The following CFAP299 variants were observed in gnomAD, a reference collection of about 807,000 sequenced individuals.
CFAP299 encodes the protein cilia and flagella associated protein 299.
CFAP299 carries 21 observed loss-of-function variants against 27.0 expected under a neutral mutation model. The ratio of observed to expected loss-of-function variants is 0.78; its 90% CI spans 0.55 to 1.12. The LOEUF (loss-of-function observed/expected upper bound fraction) is 1.12. Among genes scored for constraint, CFAP299 ranks in the 50% most tolerant of loss-of-function variants. CFAP299 has a pLI of 0.00. For synonymous variants in CFAP299, 104 were observed against 98.1 expected (o/e 1.06, Z -0.36); for missense variants, 310 against 276.6 (o/e 1.12, Z -0.86).
At chr4:80,895,302 T>C (rs991747783) in intron 4 of CFAP299, among the ~76,000 whole-genome samples, 4 of 151,910 alleles carry the variant, frequency 2.6e-5, no homozygotes, top group Admixed American at 2.0e-4. Context: ...CTTAAATATA[T>C]GCAATTTTTA....
intron 2 of CFAP299, among the ~76,000 whole-genome samples, chr4:80,522,400 C>A (rs1324232783): frequency 6.6e-6 from 1 of 151,986 alleles, no homozygotes; most frequent in African/African-American, 2.4e-5. Context: ...ATTTTGGATA[C>A]AAACCCTTAT....
At chr4:80,750,702 C>T (rs1219968575) in intron 3 of CFAP299, among the ~76,000 whole-genome samples, 2 of 152,164 alleles carry the variant, frequency 1.3e-5, no homozygotes, top group East Asian at 3.8e-4. Context: ...CTAGTTTGAT[C>T]ATGTGGTGAA....
At chr4:80,431,366 T>C (rs536249313) in intron 2 of CFAP299, among the ~76,000 whole-genome samples, 8 of 144,830 alleles carry the variant, frequency 5.5e-5, no homozygotes, top group African/African-American at 1.8e-4. Context: ...CCTCCATCTC[T>C]CCCCCCTTCC....
intron 2 of CFAP299, among the ~76,000 whole-genome samples, chr4:80,567,518 G>C: frequency 6.6e-6 from 1 of 151,822 alleles, no homozygotes; most frequent in Non-Finnish European, 1.5e-5. Flanking sequence ...AGGCAATTAA[G>C]AATAGTTTAC....
At chr4:80,551,887 T>C (rs1242193876) in intron 2 of CFAP299, among the ~76,000 whole-genome samples, 1 of 152,114 alleles carries the variant, frequency 6.6e-6, no homozygotes, top group African/African-American at 2.4e-5. Context: ...TAGCTGGGAC[T>C]ACAGGCACGT....
rs558832189 is a variant in CFAP299, at chr4:80,474,974, A to G, written c.243-108119A>G. On this transcript the variant is annotated intron_variant, in intron 2 of 5. Transcript: ENST00000358105. The stretch of plus-strand genomic sequence containing the variant: ...TGAGGTGAAGGACATTATTTTATAC[A>G]GTGTATTTAGGGAAAGCCCCAGCAG... 5.0e-4 allele frequency among the ~76,000 whole-genome samples: 76 copies of G among 152,338 alleles called. 1 individual carries two copies. The highest frequency in any genetic ancestry group is 1.8e-3 in the African/African-American group (73 of 41,590).
chr4:80,325,576 A>G, the CFAP299 span, among the ~76,000 whole-genome samples: 1 of 152,220 alleles, frequency 6.6e-6, no homozygotes, highest in East Asian at 1.9e-4. Flanking sequence ...AAGTTAATAT[A>G]TGAAGGACCT....
intron 3 of CFAP299, among the ~76,000 whole-genome samples, chr4:80,584,434 A>G (rs1352444458): frequency 6.6e-6 from 1 of 152,034 alleles, no homozygotes; most frequent in Non-Finnish European, 1.5e-5. Flanking sequence ...AGATGTGGTA[A>G]TTGAAGAAAA....
intron 2 of CFAP299, among the ~76,000 whole-genome samples, chr4:80,528,559 C>A (rs937523995): frequency 7.9e-5 from 12 of 152,092 alleles, no homozygotes; most frequent in African/African-American, 2.7e-4. Flanking sequence ...ATCTGAAATG[C>A]CACATCTGCC....
chr4:80,442,881 A>C (rs1012604961), intron 2 of CFAP299, among the ~76,000 whole-genome samples: 4 of 152,192 alleles, frequency 2.6e-5, no homozygotes, highest in Non-Finnish European at 5.9e-5. Context: ...CAGAAACACA[A>C]ACTACCATTG....
intron 2 of CFAP299, among the ~76,000 whole-genome samples, chr4:80,427,841 A>G (rs868441614): frequency 6.6e-6 from 1 of 152,284 alleles, no homozygotes; most frequent in Middle Eastern, 3.4e-3. Context: ...TTATTTTTAG[A>G]TATTAATAGT....
intron 3 of CFAP299, among the ~76,000 whole-genome samples, chr4:80,792,191 A>C (rs1727610672): frequency 6.6e-6 from 1 of 152,098 alleles, no homozygotes; most frequent in African/African-American, 2.4e-5. Flanking sequence ...GCTCCTTGGT[A>C]GCACTGAGGT....
At chr4:80,864,562 AC>A (rs1732605877) in intron 3 of CFAP299, among the ~76,000 whole-genome samples, 1 of 148,588 alleles carries the variant, frequency 6.7e-6, no homozygotes, top group Non-Finnish European at 1.5e-5. Context: ...ATATATAATA[AC>A]TAAAACGTTT....
intron 2 of CFAP299, among the ~76,000 whole-genome samples, chr4:80,472,998 T>A (rs556661411): frequency 6.6e-6 from 1 of 152,160 alleles, no homozygotes; most frequent in Non-Finnish European, 1.5e-5. Context: ...ACAGGCTAGT[T>A]AGTAGGGGCT....
chr4:80,708,132 C>A (rs1721928424), intron 3 of CFAP299, among the ~76,000 whole-genome samples: 1 of 152,000 alleles, frequency 6.6e-6, no homozygotes, highest in South Asian at 2.1e-4. Context: ...GCAAGTGCAA[C>A]TCTTGGCATG....
intron 3 of CFAP299, among the ~76,000 whole-genome samples, chr4:80,825,293 C>A (rs1367875049): frequency 6.6e-6 from 1 of 151,460 alleles, no homozygotes; most frequent in Non-Finnish European, 1.5e-5. Flanking sequence ...TTCAAGCAAA[C>A]CAACAAATGC....
At chr4:80,481,917 T>C (rs1730588635) in intron 2 of CFAP299, among the ~76,000 whole-genome samples, 1 of 152,072 alleles carries the variant, frequency 6.6e-6, no homozygotes, top group South Asian at 2.1e-4. Flanking sequence ...TAATATTCAA[T>C]ATCAAATATT....
At chr4:80,331,453 A>G (rs1385420228), upstream of CFAP299, among the ~76,000 whole-genome samples, 1 of 152,190 alleles carries the variant, frequency 6.6e-6, no homozygotes, top group African/African-American at 2.4e-5. Context: ...GTATAGGGAA[A>G]CCAGAAAAGA....
At chr4:80,393,678 G>T (rs1725620572) in intron 2 of CFAP299, among the ~76,000 whole-genome samples, 1 of 152,130 alleles carries the variant, frequency 6.6e-6, no homozygotes, top group African/African-American at 2.4e-5. Flanking sequence ...TAGTTTAGGT[G>T]TGTGGTAGGC....
Sources: allele counts gnomAD v4.1 joint callset (sites outside exome capture counted in the v4.1 genomes callset), GRCh38; gene constraint gnomAD v4.1.1; transcripts MANE v1.5; gene names NCBI Gene and HGNC (gene_info 2026-07-23, HGNC 2026-07-21).